Variants in SYCP2L observed in about 807,000 individuals in gnomAD.
SYCP2L encodes the protein synaptonemal complex protein 2-like.
In SYCP2L, 98 loss-of-function variants were observed where a neutral mutation model predicts 125.8. That is an observed-to-expected ratio of 0.78 (90% confidence interval 0.66 to 0.92). The LOEUF (loss-of-function observed/expected upper bound fraction) is 0.92. Ranked by LOEUF, SYCP2L falls within the 40% of genes least tolerant of loss-of-function variation. The probability of loss-of-function intolerance (pLI) is 0.00; values close to 1 mark genes in which losing one functional copy is unlikely to be tolerated. For missense variants in SYCP2L, 842 were observed against 936.4 expected (o/e 0.90, Z 1.32); for synonymous variants, 317 against 325.4 (o/e 0.97, Z 0.28).
chr6:10,968,928 T>C (rs1781722973), intron 29 of SYCP2L, among the ~76,000 whole-genome samples: 1 of 152,230 alleles, frequency 6.6e-6, no homozygotes, highest in African/African-American at 2.4e-5. Flanking sequence ...GTGAGTTTTC[T>C]GGCAGAGTCA....
At chr6:10,947,360 TAA>T (rs1157464244) in intron 23 of SYCP2L, among the ~76,000 whole-genome samples, 1 of 152,098 alleles carries the variant, frequency 6.6e-6, no homozygotes, top group Non-Finnish European at 1.5e-5. Context: ...ATTAAATATA[TAA>T]GTTAACTTGA....
Position 10,942,622 on chromosome 6 carries a change from CTT to C in SYCP2L, c.1885-54_1885-53del. 1.9e-6 allele frequency: 3 copies of C among 1,601,736 alleles called. No individual in the cohort carries two copies. In the South Asian group the frequency reaches 3.3e-5, roughly 18 times the overall value. On this transcript the variant is annotated intron_variant, in intron 22 of 29. Coordinates refer to ENST00000283141, the MANE Select transcript of SYCP2L (RefSeq NM_001040274.3). ...GCTATTCCTTCTGACGAGTACACCA[CTT>C]GTTTCTTGCTTTGCCATAAAGGACG... is the stretch of plus-strand genomic sequence containing the variant.
At chr6:10,891,418 A>ATTTTT (rs61237589) in intron 1 of SYCP2L, 95 bp from the exon 2 acceptor site, 10 of 474,178 alleles carry the variant, frequency 2.1e-5, no homozygotes, top group South Asian at 2.7e-5. Flanking sequence ...CAAACCTTTA[A>ATTTTT]TTTTTTTTTT....
rs141417465 is a variant in SYCP2L, at chr6:10,904,064, A to G, written c.641+1101A>G. On this transcript the variant is annotated intron_variant, in intron 8 of 29. Coordinates refer to ENST00000283141, the MANE Select transcript of SYCP2L (RefSeq NM_001040274.3). ...AATGGAGTCAAAGTAATACTACTTG[A>G]TAGTTATTGTAAAGGTTAAATCAAG... 1.4e-3 allele frequency among the ~76,000 whole-genome samples: 216 copies of G among 152,312 alleles called. 1 individual carries two copies. Among genetic ancestry groups the G allele is most frequent in the African/African-American group, 4.7e-3 (195 of 41,572 alleles).
In SYCP2L at chr6:10,898,059, C is replaced by G; in HGVS notation, c.385C>G (p.Leu129Val). 6.2e-7 allele frequency: 1 copy of G among 1,614,188 alleles called. No individual in the cohort carries two copies. The highest frequency in any genetic ancestry group is 8.5e-7 in the Non-Finnish European group (1 of 1,180,008). ...RTTGILTSEG[L>V]ASDTSLICVI... ...AACAGGAATTCTGACCTCGGAAGGC[C>G]TAGCCTCAGACACGTCGCTGATTTG... Residue 129 changes from leucine (L) to valine (V), a missense_variant, in exon 5 of 30, where the codon CTA becomes GTA. Coordinates refer to ENST00000283141, the MANE Select transcript of SYCP2L (RefSeq NM_001040274.3).
intron 25 of SYCP2L, among the ~76,000 whole-genome samples, chr6:10,957,478 T>TA (rs1027823552): frequency 2.6e-5 from 4 of 152,054 alleles, no homozygotes; most frequent in African/African-American, 9.7e-5. Context: ...GTCACAGTGA[T>TA]AGACAAGGAG....
rs538503888 is a variant in SYCP2L, at chr6:10,974,275, G to C, written c.*361G>C. 1 of 151,166 alleles carries C rather than the reference G, an allele frequency of 6.6e-6. No homozygotes were observed. Among genetic ancestry groups the C allele is most frequent in the East Asian group, 2.0e-4 (1 of 5,002 alleles). The allele number at this position is 151,166 out of a possible 1,614,324, so 9.4% of individuals were successfully genotyped here. On this transcript the variant is annotated 3_prime_UTR_variant, in exon 30 of 30. Transcript: ENST00000283141. ...TGTTTGAGAAATGTCTTCAAGTTTT[G>C]TGTGAATAAAACACTTTAGCAGCAT...
At chr6:10,940,639 G>A (rs777524254) in intron 21 of SYCP2L, among the ~76,000 whole-genome samples, 1 of 152,104 alleles carries the variant, frequency 6.6e-6, no homozygotes, top group Non-Finnish European at 1.5e-5. Flanking sequence ...CAAACTCATA[G>A]AAACAGAGAA....
chr6:10,894,051 A>G (rs751165311), intron 3 of SYCP2L, 34 bp from the exon 4 acceptor site: 3 of 1,602,368 alleles, frequency 1.9e-6, no homozygotes, highest in Non-Finnish European at 1.7e-6. Context: ...ATAATTATTT[A>G]TAAGTGTTTT....
chr6:10,949,541 C>T (rs1029579941), intron 23 of SYCP2L, among the ~76,000 whole-genome samples: 2 of 152,010 alleles, frequency 1.3e-5, no homozygotes, highest in Non-Finnish European at 2.9e-5. Flanking sequence ...AAAACGGTAT[C>T]CAAATTTCAT....
intron 14 of SYCP2L, among the ~76,000 whole-genome samples, chr6:10,918,829 C>T (rs1298182063): frequency 2.0e-5 from 3 of 152,132 alleles, no homozygotes; most frequent in Non-Finnish European, 2.9e-5. Context: ...CTACCATGCC[C>T]GGCTGACTTT....
chr6:10,929,310 G>A (rs1581830873), intron 18 of SYCP2L, among the ~76,000 whole-genome samples: 1 of 152,084 alleles, frequency 6.6e-6, no homozygotes, highest in Non-Finnish European at 1.5e-5. Flanking sequence ...CTAATGTTTG[G>A]GAGTGAGACT....
chr6:10,903,163 C>T (rs935271160), intron 8 of SYCP2L, among the ~76,000 whole-genome samples, 200 bp downstream of exon 8: 4 of 152,264 alleles, frequency 2.6e-5, no homozygotes, highest in East Asian at 1.9e-4. Context: ...GCCCAGGCGC[C>T]GTAGATCACG....
At position 10,949,850 on chromosome 6, in the gene SYCP2L, G is replaced by A. The variant is rs182974727; in HGVS notation, c.1955-5266G>A. On this transcript the variant is annotated intron_variant, in intron 23 of 29. Transcript: ENST00000283141. ...GATCTGACAATCTCTTTTAATAGGA[G>A]CAATTAATCCATTGTGCTTCCATTG... Among the ~76,000 whole-genome samples the A allele has an allele frequency of 2.1e-3, 320 of 150,720 alleles. 1 individual carries two copies. Among genetic ancestry groups the A allele is most frequent in the African/African-American group, 7.6e-3 (312 of 40,982 alleles).
At chr6:10,970,586 G>C (rs2113435749) in intron 29 of SYCP2L, among the ~76,000 whole-genome samples, 3 of 152,298 alleles carry the variant, frequency 2.0e-5, no homozygotes, top group Admixed American at 2.0e-4. Flanking sequence ...GCAGCTTCTA[G>C]GTTTGGGGCT....
intron 28 of SYCP2L, among the ~76,000 whole-genome samples, chr6:10,961,817 G>A (rs1781599091): frequency 6.6e-6 from 1 of 152,020 alleles, no homozygotes; most frequent in Non-Finnish European, 1.5e-5. Flanking sequence ...TTTTTAAGCA[G>A]TATTTTTTAA....
chr6:10,940,841 G>A (rs1323282814), intron 21 of SYCP2L, among the ~76,000 whole-genome samples: 3 of 152,024 alleles, frequency 2.0e-5, no homozygotes, highest in Non-Finnish European at 1.5e-5. Flanking sequence ...CATCAAAAAA[G>A]AGTAAGAGGC....
In SYCP2L at chr6:10,898,752, A is replaced by C. The variant is rs1780327636; in HGVS notation, c.442-72A>C. On this transcript the variant is annotated intron_variant, in intron 5 of 29. Transcript: ENST00000283141. The stretch of plus-strand genomic sequence containing the variant: ...TGCCTGTTAGAGAAAGTTAACACTA[A>C]TACATTCACATTACGGTTTATCATG... The C allele has an allele frequency of 4.9e-6, 5 of 1,018,510 alleles. No individual in the cohort carries two copies. In the Admixed American group the frequency reaches 9.3e-5, roughly 19 times the overall value. 63.1% of individuals were successfully genotyped at this position (1,018,510 alleles called of 1,614,324 possible).
chr6:10,913,786 C>T (rs1780645322), intron 14 of SYCP2L, among the ~76,000 whole-genome samples: 1 of 151,768 alleles, frequency 6.6e-6, no homozygotes, highest in South Asian at 2.1e-4. Flanking sequence ...TCATGAAATC[C>T]TTGCCTAAGC....
Sources: gnomAD v4.1 joint callset for allele counts (sites outside exome capture counted in the v4.1 genomes callset) on GRCh38, gnomAD v4.1.1 for gene constraint, MANE v1.5 for transcripts, NCBI Gene and HGNC (gene_info 2026-07-23, HGNC 2026-07-21) for gene names.